HIBCH: variants seen among roughly 807,000 people sequenced by gnomAD.
HIBCH encodes the protein 3-hydroxyisobutyryl-CoA hydrolase, mitochondrial.
A neutral mutation model predicts 58.2 loss-of-function variants in HIBCH; 50 were observed. That is an observed-to-expected ratio of 0.86 (90% CI 0.68 to 1.09). The LOEUF is 1.09. Among genes scored for constraint, HIBCH ranks in the 50% least tolerant of loss-of-function variants. The pLI is 0.00. For missense variants in HIBCH, 450 were observed against 449.7 expected, an observed-to-expected ratio of 1.00 and a Z score of -0.01; for synonymous variants, 151 against 146.9, an observed-to-expected ratio of 1.03 and a Z score of -0.20.
At chr2:190,208,616 G>A (rs1053721525) in intron 13 of HIBCH, 1 of 528,508 alleles carries the variant, frequency 1.9e-6, no homozygotes, top group Non-Finnish European at 3.4e-6. Context: ...AACAACTATA[G>A]GTTGAGTATT....
At chr2:190,296,977 A>G (rs1391763053) in intron 2 of HIBCH, 24 bp from the exon 3 acceptor site, 1 of 1,612,550 alleles carries the variant, frequency 6.2e-7, no homozygotes. Context: ...GAATAACTTT[A>G]TGACAAAATT....
intron 2 of HIBCH, among the ~76,000 whole-genome samples, chr2:190,300,453 T>C (rs1249193505): frequency 6.6e-6 from 1 of 152,128 alleles, no homozygotes; most frequent in Non-Finnish European, 1.5e-5. Flanking sequence ...TGTGGTTGGC[T>C]GCATGTCTAT....
intron 6 of HIBCH, among the ~76,000 whole-genome samples, chr2:190,283,498 T>C (rs990076858): frequency 1.3e-5 from 2 of 152,342 alleles, no homozygotes; most frequent in South Asian, 2.1e-4. Flanking sequence ...CACCCTTCTA[T>C]AGTAGTACAT....
intron 11 of HIBCH, among the ~76,000 whole-genome samples, chr2:190,218,864 T>C (rs932591549): frequency 1.2e-4 from 19 of 152,178 alleles, no homozygotes; most frequent in Admixed American, 1.2e-3. Flanking sequence ...TCTTTCTCCA[T>C]AGGGAATATA....
rs1006716258 is a variant in HIBCH at position 190,197,504 on chromosome 2, T to C, written c.*18-7507A>G. On this transcript the variant is annotated intron_variant, in intron 1 of 1. Transcript: ENST00000399855. The surrounding 1 kb of genome is among the most constrained non-coding windows in gnomAD (Gnocchi z 4.0). ...TGCAGATTTCTGCCTCTCTTCCCAA[T>C]CTTGAACTCTATCTTATAAATTCCA... is the stretch of plus-strand genomic sequence containing the variant. Among the ~76,000 whole-genome samples, 2 of 152,198 alleles carry C rather than the reference T, an allele frequency of 1.3e-5. No individual in the cohort carries two copies. The highest frequency in any genetic ancestry group is 4.8e-5 in the African/African-American group (2 of 41,458).
intron 11 of HIBCH, among the ~76,000 whole-genome samples, chr2:190,226,728 A>G (rs1010828205): frequency 2.6e-5 from 4 of 152,318 alleles, no homozygotes; most frequent in African/African-American, 4.8e-5. Flanking sequence ...ACTTCAGCAA[A>G]GTCTCCGGAT....
chr2:190,290,361 A>G (rs1337828819), intron 5 of HIBCH, 44 bp downstream of exon 5: 2 of 1,328,282 alleles, frequency 1.5e-6, no homozygotes, highest in Non-Finnish European at 2.2e-6. Context: ...TGTCCACCTC[A>G]TTTCTTTATT....
chr2:190,270,493 T>C (rs910680981), intron 6 of HIBCH, among the ~76,000 whole-genome samples: 1 of 152,162 alleles, frequency 6.6e-6, no homozygotes, highest in Non-Finnish European at 1.5e-5. Context: ...ATGTGACTGA[T>C]GTTTACAGAA....
At chr2:190,213,099 C>A in intron 11 of HIBCH, 24 bp from the exon 12 acceptor site, 1 of 1,547,346 alleles carries the variant, frequency 6.5e-7, no homozygotes, top group Non-Finnish European at 8.9e-7. Context: ...AAATTTACTA[C>A]TGTTAGTCCA....
chr2:190,224,468 AAGC>A (rs1195231831), intron 11 of HIBCH, among the ~76,000 whole-genome samples: 1 of 152,238 alleles, frequency 6.6e-6, no homozygotes, highest in Non-Finnish European at 1.5e-5. Flanking sequence ...AAACAAAAAA[AAGC>A]AGGGGTTGCA....
rs1332981892 is a variant in HIBCH at position 190,311,308 on chromosome 2, C to T, written c.36-512G>A. 2.0e-5 allele frequency among the ~76,000 whole-genome samples: 3 copies of T among 152,130 alleles called. No homozygotes were observed. The East Asian group carries it at 5.8e-4, about 29-fold the overall frequency. The stretch of plus-strand genomic sequence containing the variant: ...GAAGGAGGGATGAACAGTTGAAACA[C>T]AGGAGATGTTTAGGGCAGTGAAACT... On this transcript the variant is annotated intron_variant, in intron 1 of 13. Coordinates refer to ENST00000359678, the MANE Select transcript of HIBCH (RefSeq NM_014362.4).
intron 9 of HIBCH, among the ~76,000 whole-genome samples, chr2:190,247,122 A>G (rs532495377): frequency 1.3e-5 from 2 of 151,978 alleles, no homozygotes; most frequent in East Asian, 3.9e-4. Flanking sequence ...ATTTCACATT[A>G]TTACTATTGA....
rs940838575 is a variant in HIBCH at position 190,315,020 on chromosome 2, T to A, written c.36-4224A>T. ...TGGAGTGCAGTGGTGCAATCTCGGC[T>A]CACTGCAGGCTCTGCCTTCCGGGTT... On this transcript the variant is annotated intron_variant, in intron 1 of 13. Transcript: ENST00000359678. This position sits in a 1 kb window ranked among gnomAD's most constrained non-coding sequence, Gnocchi z 5.4. 6.6e-6 allele frequency among the ~76,000 whole-genome samples: 1 copy of A among 151,878 alleles called. No individual in the cohort carries two copies. Among genetic ancestry groups the A allele is most frequent in the Admixed American group, 6.6e-5 (1 of 15,256 alleles).
chr2:190,305,702 G>C (rs1222977951), intron 2 of HIBCH, among the ~76,000 whole-genome samples: 1 of 152,124 alleles, frequency 6.6e-6, no homozygotes, highest in Non-Finnish European at 1.5e-5. Flanking sequence ...AGGTACGTAA[G>C]AACTCTGTAC....
At chr2:190,314,782 T>G (rs4853693) in intron 1 of HIBCH, among the ~76,000 whole-genome samples, 29,985 of 152,074 alleles carry the variant, frequency 0.2, 3,243 homozygotes, top group East Asian at 0.32. Context: ...CCCAGCCCAT[T>G]CGTTCTAATT....
chr2:190,294,194 G>A (rs1156967329), intron 4 of HIBCH, among the ~76,000 whole-genome samples: 1 of 151,734 alleles, frequency 6.6e-6, no homozygotes, highest in Non-Finnish European at 1.5e-5. Context: ...TGGCCAGATA[G>A]TCAGGTTATA....
rs1391963958 is a variant in HIBCH, at chr2:190,211,859, A to C, written c.1011+1097T>G. Among the ~76,000 whole-genome samples the C allele has an allele frequency of 6.6e-6, 1 of 152,256 alleles. No individual in the cohort carries two copies. The highest frequency in any genetic ancestry group is 1.9e-4 in the East Asian group (1 of 5,206). ...GCACAGTGCCTGGGACATAGCTAAC[A>C]TATTTGCTGAGAGAATGAAGGCAAG... On this transcript the variant is annotated intron_variant, in intron 12 of 13. Transcript: ENST00000359678. This position sits in a 1 kb window ranked among gnomAD's most constrained non-coding sequence, Gnocchi z 5.0.
chr2:190,290,193 T>C (rs562768218), intron 5 of HIBCH, among the ~76,000 whole-genome samples: 2 of 152,210 alleles, frequency 1.3e-5, no homozygotes, highest in African/African-American at 4.8e-5. Context: ...ATTGATTTTA[T>C]AACAAATAGC....
chr2:190,287,856 G>T (rs559152709), intron 5 of HIBCH, among the ~76,000 whole-genome samples: 1 of 151,980 alleles, frequency 6.6e-6, no homozygotes, highest in Non-Finnish European at 1.5e-5. Flanking sequence ...CTTAACCTTC[G>T]ATTTTAAACA....
Sources: allele counts gnomAD v4.1 joint callset (sites outside exome capture counted in the v4.1 genomes callset), GRCh38; gene constraint gnomAD v4.1.1; non-coding constraint Gnocchi (gnomAD v3.1); transcripts MANE v1.5; gene names NCBI Gene and HGNC (gene_info 2026-07-23, HGNC 2026-07-21).